BAZ2B: variants seen among roughly 807,000 people sequenced by gnomAD.
BAZ2B encodes bromodomain adjacent to zinc finger domain protein 2B.
Under a neutral mutation model 246.0 loss-of-function variants are expected in BAZ2B, and 91 were observed. That is an observed-to-expected ratio of 0.37 (90% CI 0.31 to 0.44). BAZ2B has a LOEUF of 0.44. BAZ2B is among the 20% of genes least tolerant of loss of function. BAZ2B has a pLI of 1.00. For missense variants in BAZ2B, 2,332 were observed against 2,533.7 expected (o/e 0.92, Z 1.71); for synonymous variants, 855 against 860.0 (o/e 0.99, Z 0.10).
chr2:159,488,673 C>A (rs1415106632), intron 2 of BAZ2B, among the ~76,000 whole-genome samples: 1 of 151,996 alleles, frequency 6.6e-6, no homozygotes, highest in Non-Finnish European at 1.5e-5. Context: ...AAAAATATTA[C>A]ACAAAAATGA....
chr2:159,384,437 T>G lies in BAZ2B; in HGVS notation c.3686+718A>C, dbSNP rs114789279. 3.5e-4 allele frequency among the ~76,000 whole-genome samples: 54 copies of G among 152,184 alleles called. 1 individual carries two copies. The highest frequency in any genetic ancestry group is 9.6e-4 in the African/African-American group (40 of 41,576). On this transcript the variant is annotated intron_variant, in intron 23 of 36. Coordinates refer to ENST00000392783, the MANE Select transcript of BAZ2B (RefSeq NM_013450.4). ...AGATAGGTACAGAAAACTTAAAATT[T>G]CCACACTGGTAGAAATGCATGACCC...
chr2:159,325,590 AG>A, intron 35 of BAZ2B, 62 bp downstream of exon 35: 1 of 1,494,254 alleles, frequency 6.7e-7, no homozygotes, highest in South Asian at 1.3e-5. Context: ...ATATGGTAAA[AG>A]GTTTCTAAAC....
At chr2:159,474,445 T>C (rs779344775) in intron 3 of BAZ2B, among the ~76,000 whole-genome samples, 3 of 152,194 alleles carry the variant, frequency 2.0e-5, no homozygotes, top group Non-Finnish European at 4.4e-5. Context: ...TGAGCCTATG[T>C]GTGTCTTTGC....
chr2:159,508,169 C>T (rs1425240126), intron 2 of BAZ2B, among the ~76,000 whole-genome samples: 1 of 152,182 alleles, frequency 6.6e-6, no homozygotes, highest in Non-Finnish European at 1.5e-5. Context: ...CAACGCCTGG[C>T]CTATCTATCT....
intron 1 of BAZ2B, among the ~76,000 whole-genome samples, chr2:159,567,644 C>T (rs1164512218): frequency 6.6e-6 from 1 of 152,120 alleles, no homozygotes; most frequent in Non-Finnish European, 1.5e-5. Flanking sequence ...TAGCAGTATT[C>T]CACATGTTTC....
At chr2:159,597,974 A>G (rs1691143594) in intron 1 of BAZ2B, among the ~76,000 whole-genome samples, 1 of 144,804 alleles carries the variant, frequency 6.9e-6, no homozygotes. Flanking sequence ...GAGTGCCTCA[A>G]TAAGACCACA....
chr2:159,708,247 T>C, the BAZ2B span, among the ~76,000 whole-genome samples: 1 of 151,758 alleles, frequency 6.6e-6, no homozygotes, highest in African/African-American at 2.4e-5. Context: ...TGAGCTATGA[T>C]GGTACCGCCG....
chr2:159,341,145 CAT>C (rs1226397403), intron 31 of BAZ2B, among the ~76,000 whole-genome samples: 2 of 151,800 alleles, frequency 1.3e-5, no homozygotes, highest in Non-Finnish European at 2.9e-5. Flanking sequence ...CCTGTAAAGA[CAT>C]ATGTAGACTG....
At chr2:159,543,849 T>A (rs1559735884) in intron 2 of BAZ2B, among the ~76,000 whole-genome samples, 1 of 152,240 alleles carries the variant, frequency 6.6e-6, no homozygotes, top group East Asian at 1.9e-4. Context: ...TTCTTTCATA[T>A]CAAACACTCA....
intron 2 of BAZ2B, among the ~76,000 whole-genome samples, chr2:159,545,108 A>G (rs2087150807): frequency 6.6e-6 from 1 of 152,226 alleles, no homozygotes; most frequent in Admixed American, 6.5e-5. Flanking sequence ...AGTTAAAAGG[A>G]ATGTTGTCTA....
chr2:159,512,857 G>T (rs1475891210), intron 2 of BAZ2B, among the ~76,000 whole-genome samples: 1 of 152,112 alleles, frequency 6.6e-6, no homozygotes. Flanking sequence ...GAATCTAAAA[G>T]CCTTATGTCC....
intron 1 of BAZ2B, among the ~76,000 whole-genome samples, chr2:159,579,868 G>T (rs1686301061): frequency 6.6e-6 from 1 of 151,936 alleles, no homozygotes; most frequent in Non-Finnish European, 1.5e-5. Flanking sequence ...AAATTTAACA[G>T]CCCTTCATGC....
At chr2:159,450,113 C>T (rs1057041599) in intron 4 of BAZ2B, among the ~76,000 whole-genome samples, 3 of 151,932 alleles carry the variant, frequency 2.0e-5, no homozygotes, top group Non-Finnish European at 2.9e-5. Flanking sequence ...TTGTAAACAA[C>T]CAAAAAATTG....
intron 27 of BAZ2B, among the ~76,000 whole-genome samples, chr2:159,371,493 A>G (rs2060844611): frequency 1.3e-5 from 2 of 152,252 alleles, no homozygotes; most frequent in East Asian, 1.9e-4. Flanking sequence ...TCTAATTTCC[A>G]CTTTCCTACA....
At chr2:159,704,155 T>TA in the BAZ2B span, among the ~76,000 whole-genome samples, 1 of 152,202 alleles carries the variant, frequency 6.6e-6, no homozygotes, top group Non-Finnish European at 1.5e-5. Context: ...GACTCTGGGA[T>TA]AAAAAATACG....
At chr2:159,340,182 G>A (rs996045388) in intron 31 of BAZ2B, among the ~76,000 whole-genome samples, 4 of 151,976 alleles carry the variant, frequency 2.6e-5, no homozygotes, top group Admixed American at 1.3e-4. Flanking sequence ...AATTTCTGAA[G>A]ACAGGTCGTT....
intron 27 of BAZ2B, among the ~76,000 whole-genome samples, chr2:159,353,449 G>A (rs2058765628): frequency 6.6e-6 from 1 of 152,246 alleles, no homozygotes. Context: ...ATAAGGAGGA[G>A]TAATCCAGGT....
the BAZ2B span, among the ~76,000 whole-genome samples, chr2:159,672,370 A>T: frequency 6.6e-6 from 1 of 152,226 alleles, no homozygotes; most frequent in Non-Finnish European, 1.5e-5. Context: ...AATCCAAGGG[A>T]TCTCACCCAC....
At chr2:159,337,432 TAATTTTTCAAGTTAATC>T (rs2065870041) in intron 32 of BAZ2B, 118 bp downstream of exon 32, 14 of 1,558,508 alleles carry the variant, frequency 9.0e-6, no homozygotes, top group African/African-American at 1.4e-5. Context: ...AGAAGCACAA[TAATTTTTCAAGTTAATC>T]TCAATAACCT....
Sources: allele counts gnomAD v4.1 joint callset (sites outside exome capture counted in the v4.1 genomes callset), GRCh38; gene constraint gnomAD v4.1.1; transcripts MANE v1.5; gene names NCBI Gene and HGNC (gene_info 2026-07-23, HGNC 2026-07-21).